ISG20: variants seen among roughly 807,000 people sequenced by gnomAD.
ISG20 encodes interferon stimulated exonuclease gene 20, also known as interferon-stimulated gene 20 kDa protein.
ISG20 carries 8 observed loss-of-function variants against 11.1 expected under a neutral mutation model. That is an observed-to-expected ratio of 0.72 (90% CI 0.42 to 1.30). The LOEUF (loss-of-function observed/expected upper bound fraction) is 1.30, where lower values mean the gene tolerates loss of function less well. ISG20 is among the 50% of genes most tolerant of loss of function. The pLI is 0.01. For missense variants in ISG20, 243 were observed against 250.2 expected (o/e 0.97, Z 0.19); for synonymous variants, 110 against 101.7 (o/e 1.08, Z -0.49).
chr15:88,652,301 G>A lies in ISG20; in HGVS notation c.420G>A (p.Lys140=). 6.2e-7 allele frequency: 1 copy of A among 1,612,284 alleles called. No individual in the cohort carries two copies. The highest frequency in any genetic ancestry group is 1.1e-5 in the South Asian group (1 of 91,004). ...TGCTGAGTGAGCGCCTCCTACACAA[G>A]AGCATCCAGGTGAGAACCTCCTCGT... ...LRVLSERLLH[K]SIQNSLLGHS... is the part of the protein sequence containing the mutation. The change falls in exon 3 of 4, where the codon AAG becomes AAA. Residue 140 remains lysine (K), a synonymous_variant. Coordinates refer to ENST00000306072, the MANE Select transcript of ISG20 (RefSeq NM_002201.6).
At chr15:88,649,923 A>G in intron 2 of ISG20, 1 of 377,902 alleles carries the variant, frequency 2.6e-6, no homozygotes. Context: ...GTGGATGGAC[A>G]GACTGCTTCC....
At chr15:88,645,278 A>T (rs2058153063) in intron 2 of ISG20, among the ~76,000 whole-genome samples, 1 of 152,154 alleles carries the variant, frequency 6.6e-6, no homozygotes, top group Non-Finnish European at 1.5e-5. Context: ...CCCTGGTCTC[A>T]TGCGGGTCAG....
At chr15:88,653,951 A>G (rs1370214788) in intron 3 of ISG20, among the ~76,000 whole-genome samples, 1 of 152,190 alleles carries the variant, frequency 6.6e-6, no homozygotes, top group Non-Finnish European at 1.5e-5. Context: ...TGCTGGGCAC[A>G]GTTCTCTCAT....
chr15:88,652,055 C>T, intron 2 of ISG20, 55 bp from the exon 3 acceptor site: 3 of 1,609,112 alleles, frequency 1.9e-6, no homozygotes, highest in Non-Finnish European at 2.5e-6. Context: ...CCAGCCCCAG[C>T]CCCACCCAGA....
intron 3 of ISG20, among the ~76,000 whole-genome samples, chr15:88,654,708 G>A (rs1183332406): frequency 6.6e-6 from 1 of 152,186 alleles, no homozygotes; most frequent in Non-Finnish European, 1.5e-5. Flanking sequence ...TCAGTAAAAT[G>A]GGGGAATAAT....
At position 88,650,188 on chromosome 15, in the gene ISG20, C is replaced by CG; in HGVS notation, c.229-1921dup. The CG allele has an allele frequency of 6.7e-7, 1 of 1,497,156 alleles. No homozygotes were observed. The highest frequency in any genetic ancestry group is 9.0e-7 in the Non-Finnish European group (1 of 1,111,968). 92.7% of individuals were successfully genotyped at this position (1,497,156 alleles called of 1,614,324 possible). A position where few individuals can be genotyped will look rare whatever the true frequency, so the allele number is the denominator to read the frequency against. ...GTCCAAAGTGGGCCTGGACTAGCCA[C>CG]GAGCCGCCCCTTTCCCTAATAGAGC... On this transcript the variant is annotated intron_variant, in intron 2 of 3. Transcript: ENST00000306072. The surrounding 1 kb of genome is among the most constrained non-coding windows in gnomAD (Gnocchi z 4.0).
upstream of ISG20, chr15:88,638,843 C>G (rs1364707835): frequency 6.1e-6 from 1 of 163,070 alleles, no homozygotes; most frequent in Non-Finnish European, 1.4e-5. Flanking sequence ...TCAGCCCTGA[C>G]TCGGCCCGGA....
chr15:88,650,442 C>T lies in ISG20; in HGVS notation c.229-1668C>T, dbSNP rs2058254595. 6 of 1,472,688 alleles carry T rather than the reference C, an allele frequency of 4.1e-6. No homozygotes were observed. Among genetic ancestry groups the T allele is most frequent in the Non-Finnish European group, 5.4e-6 (6 of 1,115,096 alleles). The allele number at this position is 1,472,688 out of a possible 1,614,324, so 91.2% of individuals were successfully genotyped here. On this transcript the variant is annotated intron_variant, in intron 2 of 3. Transcript: ENST00000306072. This position sits in a 1 kb window ranked among gnomAD's most constrained non-coding sequence, Gnocchi z 4.0. ...GGCAGTGGCAGGCGGGCTCTGGATT[C>T]ATCCCACTGGCTTCAAGGCCTGGCT... is the stretch of plus-strand genomic sequence containing the variant.
rs1242483175 is a variant in ISG20, at chr15:88,650,746, T to C, written c.229-1364T>C. On this transcript the variant is annotated intron_variant, in intron 2 of 3. Coordinates refer to ENST00000306072, the MANE Select transcript of ISG20 (RefSeq NM_002201.6). This position sits in a 1 kb window ranked among gnomAD's most constrained non-coding sequence, Gnocchi z 4.0. The stretch of plus-strand genomic sequence containing the variant: ...GCTTTTCCCCGTGGTCTTTCCAGCA[T>C]GGTGGCTTTGGGGTGGCCAGACATT... 1.2e-5 allele frequency: 2 copies of C among 170,184 alleles called. No individual in the cohort carries two copies. The highest frequency in any genetic ancestry group is 1.8e-4 in the East Asian group (1 of 5,588). The allele number at this position is 170,184 out of a possible 1,614,324, so 10.5% of individuals were successfully genotyped here.
At chr15:88,638,474 A>G (rs895999657), upstream of ISG20, among the ~76,000 whole-genome samples, 1 of 152,052 alleles carries the variant, frequency 6.6e-6, no homozygotes, top group African/African-American at 2.4e-5. Flanking sequence ...GGCATCTGGA[A>G]CCCACGGAGG....
At chr15:88,653,219 C>T (rs1443278950) in intron 3 of ISG20, among the ~76,000 whole-genome samples, 1 of 152,078 alleles carries the variant, frequency 6.6e-6, no homozygotes, top group Non-Finnish European at 1.5e-5. Context: ...TGGCCCTTAA[C>T]CAGATCATCA....
In ISG20 at chr15:88,639,300, G is replaced by C. The variant is rs2058038712; in HGVS notation, c.-24-43G>C. The C allele has an allele frequency of 1.5e-6, 2 of 1,316,520 alleles. No homozygotes were observed. Among genetic ancestry groups the C allele is most frequent in the Admixed American group, 2.3e-5 (1 of 43,564 alleles). 81.6% of individuals were successfully genotyped at this position (1,316,520 alleles called of 1,614,324 possible). A position where few individuals can be genotyped will look rare whatever the true frequency, so the allele number is the denominator to read the frequency against. On this transcript the variant is annotated intron_variant, in intron 1 of 3. Coordinates refer to ENST00000306072, the MANE Select transcript of ISG20 (RefSeq NM_002201.6). This position sits in a 1 kb window ranked among gnomAD's most constrained non-coding sequence, Gnocchi z 4.2. ...TTGGCTGAGGACACCTGGAGGCTTG[G>C]TTTGCCCAAGCGTGAGACCGCCCCC...
At chr15:88,651,634 C>A in intron 2 of ISG20, 1 of 289,920 alleles carries the variant, frequency 3.4e-6, no homozygotes, top group Non-Finnish European at 5.3e-6. Context: ...AGGTGATCTC[C>A]CCATTTGAAG....
At chr15:88,644,917 A>G (rs1290831723) in intron 2 of ISG20, among the ~76,000 whole-genome samples, 6 of 152,372 alleles carry the variant, frequency 3.9e-5, no homozygotes, top group East Asian at 3.9e-4. Flanking sequence ...GAGTCCCTGT[A>G]CATCCAGACC....
chr15:88,641,205 A>G (rs930494028), intron 2 of ISG20, among the ~76,000 whole-genome samples: 1 of 152,080 alleles, frequency 6.6e-6, no homozygotes, highest in African/African-American at 2.4e-5. Flanking sequence ...CATGTTGGCC[A>G]GGCTGGTCTC....
chr15:88,637,051 AG>A (rs2057995518), upstream of ISG20, among the ~76,000 whole-genome samples: 1 of 152,088 alleles, frequency 6.6e-6, no homozygotes, highest in African/African-American at 2.4e-5. Flanking sequence ...GGCATGGGAG[AG>A]GGGCTTACCT....
At position 88,643,543 on chromosome 15, in the gene ISG20, A is replaced by C. The variant is rs2058116791; in HGVS notation, c.228+3949A>C. 6.6e-6 allele frequency among the ~76,000 whole-genome samples: 1 copy of C among 152,104 alleles called. No homozygotes were observed. Among genetic ancestry groups the C allele is most frequent in the African/African-American group, 2.4e-5 (1 of 41,412 alleles). On this transcript the variant is annotated intron_variant, in intron 2 of 3. Transcript: ENST00000306072. This position sits in a 1 kb window ranked among gnomAD's most constrained non-coding sequence, Gnocchi z 4.4. ...ACATGGTGAAAACCCATCTCTACTGAAAATGCAAAAATTAGCCGGGTGTGG... is the reference window on the plus strand; with the variant it reads ...ACATGGTGAAAACCCATCTCTACTGCAAATGCAAAAATTAGCCGGGTGTGG...
chr15:88,648,587 G>A (rs2058218532), intron 2 of ISG20: 2 of 152,406 alleles, frequency 1.3e-5, no homozygotes, highest in South Asian at 4.1e-4. Context: ...GTGCCTGGTA[G>A]TGCCCTGTCC....
Position 88,655,285 on chromosome 15 carries a change from C to T in ISG20, c.430-130C>T, listed in dbSNP as rs2058355162. ...TCTCCTAAGTCCAGAGTGTCAGAGA[C>T]CTCAAGAGACTCTCACCCACTGACC... On this transcript the variant is annotated intron_variant, in intron 3 of 3. Coordinates refer to ENST00000306072, the MANE Select transcript of ISG20 (RefSeq NM_002201.6). 5.1e-6 allele frequency: 4 copies of T among 788,548 alleles called. No homozygotes were observed. In the Admixed American group the frequency reaches 8.5e-5, roughly 17 times the overall value. The allele number at this position is 788,548 out of a possible 1,614,324, so 48.8% of individuals were successfully genotyped here.
Sources: gnomAD v4.1 joint callset for allele counts (sites outside exome capture counted in the v4.1 genomes callset) on GRCh38, gnomAD v4.1.1 for gene constraint, Gnocchi (gnomAD v3.1) non-coding constraint, MANE v1.5 for transcripts, NCBI Gene and HGNC (gene_info 2026-07-23, HGNC 2026-07-21) for gene names.